The following LIPK variants were observed in gnomAD, a reference collection of about 807,000 sequenced individuals.
LIPK encodes the protein lipase member K.
Under a neutral mutation model 48.6 loss-of-function variants are expected in LIPK, and 32 were observed. The observed-to-expected ratio is 0.66, with a 90% CI of 0.50 to 0.88. The LOEUF (loss-of-function observed/expected upper bound fraction) is 0.88. Ranked by LOEUF, LIPK falls within the 40% of genes least tolerant of loss-of-function variation. LIPK has a pLI of 0.00. For synonymous variants in LIPK, 164 were observed against 157.4 expected (o/e 1.04, Z -0.32); for missense variants, 507 against 478.5 (o/e 1.06, Z -0.56).
At chr10:88,724,408 G>A (rs771821578) in intron 1 of LIPK, 125 bp from the exon 2 acceptor site, 3 of 631,390 alleles carry the variant, frequency 4.8e-6, no homozygotes, top group Non-Finnish European at 8.4e-6. Flanking sequence ...GTATTCTACT[G>A]GTTAAAGCAC....
At chr10:88,737,900 A>G in intron 7 of LIPK, 119 bp downstream of exon 7, 1 of 1,025,094 alleles carries the variant, frequency 9.8e-7, no homozygotes, top group Non-Finnish European at 1.5e-6. Context: ...TTGGAATGTA[A>G]TTAGTACATT....
In LIPK at chr10:88,736,155, G is replaced by GGAGGGA. The variant is rs1554956841; in HGVS notation, c.670-1464_670-1459dup. Among the ~76,000 whole-genome samples, 7 of 151,338 alleles carry GGAGGGA rather than the reference G, an allele frequency of 4.6e-5. No individual in the cohort carries two copies. In the South Asian group the frequency reaches 6.3e-4, roughly 14 times the overall value. Reference sequence around the variant, plus strand: ...TGGAGCCAGGGAAAAAGGAAGGGAAGGAGGGAGAGGGAGAGGGAGAGAAGA... The same window carrying GGAGGGA: ...TGGAGCCAGGGAAAAAGGAAGGGAAGGAGGGAGAGGGAGAGGGAGAGGGAGAGAAGA... On this transcript the variant is annotated intron_variant, in intron 6 of 9. Coordinates refer to ENST00000404190, the MANE Select transcript of LIPK (RefSeq NM_001080518.2).
intron 6 of LIPK, among the ~76,000 whole-genome samples, chr10:88,735,977 A>C (rs1200311949): frequency 6.6e-6 from 1 of 152,228 alleles, no homozygotes; most frequent in Non-Finnish European, 1.5e-5. Context: ...TATTTGGGAA[A>C]GCTAACTCCA....
chr10:88,752,461 C>T (rs1765178343), intron 9 of LIPK, 56 bp from the exon 10 acceptor site: 5 of 1,307,254 alleles, frequency 3.8e-6, no homozygotes, highest in Non-Finnish European at 5.3e-6. Flanking sequence ...GTTAATGTTA[C>T]TTCTATAATG....
chr10:88,749,225 A>G (rs147165347), intron 9 of LIPK, among the ~76,000 whole-genome samples: 170 of 152,346 alleles, frequency 1.1e-3, no homozygotes, highest in Non-Finnish European at 2.0e-3. Flanking sequence ...TGCTACTCCT[A>G]TCAAAATACA....
chr10:88,714,525 T>A (rs1842081549), intron 1 of LIPK, among the ~76,000 whole-genome samples: 1 of 152,008 alleles, frequency 6.6e-6, no homozygotes, highest in South Asian at 2.1e-4. Context: ...GATCTGTAAT[T>A]TTTGTCCATG....
At chr10:88,742,109 C>A (rs1341245372) in intron 8 of LIPK, among the ~76,000 whole-genome samples, 1 of 152,198 alleles carries the variant, frequency 6.6e-6, no homozygotes, top group East Asian at 1.9e-4. Context: ...ACAACCAGAT[C>A]TTGTGAGAAC....
rs373609523 is a variant in LIPK at position 88,726,691 on chromosome 10, TCAAA to T, written c.106-89_106-86del. 716 of 688,602 alleles carry T rather than the reference TCAAA, an allele frequency of 1.0e-3. 5 individuals are homozygous for T. Among genetic ancestry groups the T allele is most frequent in the African/African-American group, 5.1e-3 (282 of 55,806 alleles). The allele number at this position is 688,602 out of a possible 1,614,324, so 42.7% of individuals were successfully genotyped here. On this transcript the variant is annotated intron_variant, in intron 2 of 9. Coordinates refer to ENST00000404190, the MANE Select transcript of LIPK (RefSeq NM_001080518.2). ...CCCAGGGAACACAGTGAGACCCGTC[TCAAA>T]CAAACAAACAAACAGACAAATAAAG...
At chr10:88,731,221 C>T in intron 4 of LIPK, 40 bp downstream of exon 4, 1 of 1,428,062 alleles carries the variant, frequency 7.0e-7, no homozygotes, top group Non-Finnish European at 9.2e-7. Context: ...GTGTACTTTC[C>T]TCATGCATAT....
At chr10:88,738,514 C>T (rs996908097) in intron 7 of LIPK, among the ~76,000 whole-genome samples, 1 of 152,192 alleles carries the variant, frequency 6.6e-6, no homozygotes, top group Non-Finnish European at 1.5e-5. Flanking sequence ...GCTTTTTATG[C>T]AAAACATGTC....
intron 6 of LIPK, among the ~76,000 whole-genome samples, chr10:88,732,823 G>A (rs1936528947): frequency 6.6e-6 from 1 of 152,186 alleles, no homozygotes. Context: ...TTATTTGATT[G>A]ATTGGTTTGT....
intron 1 of LIPK, among the ~76,000 whole-genome samples, chr10:88,721,416 G>A (rs1782577837): frequency 6.6e-6 from 1 of 152,196 alleles, no homozygotes; most frequent in Non-Finnish European, 1.5e-5. Context: ...AAGACAGGCT[G>A]TTTAGATTGG....
At chr10:88,736,680 T>C (rs1842578177) in intron 6 of LIPK, among the ~76,000 whole-genome samples, 1 of 152,160 alleles carries the variant, frequency 6.6e-6, no homozygotes, top group Non-Finnish European at 1.5e-5. Context: ...AGCCACTTCA[T>C]AAAATAATCA....
intron 2 of LIPK, among the ~76,000 whole-genome samples, chr10:88,725,955 TAGGCCAGTA>T (rs1400749600): frequency 7.2e-5 from 11 of 152,176 alleles, no homozygotes; most frequent in African/African-American, 2.7e-4. Context: ...TGGAAAGAAA[TAGGCCAGTA>T]AGGTTTCATT....
intron 1 of LIPK, among the ~76,000 whole-genome samples, chr10:88,710,438 C>T (rs1001402274): frequency 6.6e-6 from 1 of 152,164 alleles, no homozygotes; most frequent in East Asian, 1.9e-4. Context: ...GGTATAATTA[C>T]ATTCAGTAAA....
chr10:88,744,164 C>T (rs1842730630), intron 9 of LIPK, among the ~76,000 whole-genome samples: 2 of 152,328 alleles, frequency 1.3e-5, no homozygotes, highest in South Asian at 4.1e-4. Context: ...AGGGTTCCTG[C>T]CTGGCTGCAC....
intron 1 of LIPK, among the ~76,000 whole-genome samples, chr10:88,707,738 G>A (rs1841961709): frequency 6.6e-6 from 1 of 152,018 alleles, no homozygotes; most frequent in Admixed American, 6.6e-5. Flanking sequence ...TTTTAGGACT[G>A]GATATCCTAT....
chr10:88,725,852 G>T (rs1842327580), intron 2 of LIPK, among the ~76,000 whole-genome samples: 1 of 152,086 alleles, frequency 6.6e-6, no homozygotes, highest in African/African-American at 2.4e-5. Flanking sequence ...CTTTCTCTCT[G>T]CCCAAGAGGC....
chr10:88,742,428 C>T (rs1842695828), intron 8 of LIPK, among the ~76,000 whole-genome samples: 2 of 152,132 alleles, frequency 1.3e-5, no homozygotes, highest in South Asian at 4.1e-4. Flanking sequence ...GGAAAAATAT[C>T]TGAGATTCAA....
Sources: gnomAD v4.1 joint callset for allele counts (sites outside exome capture counted in the v4.1 genomes callset) on GRCh38, gnomAD v4.1.1 for gene constraint, MANE v1.5 for transcripts, NCBI Gene and HGNC (gene_info 2026-07-23, HGNC 2026-07-21) for gene names.